The following TIMM23B variants were observed in gnomAD, a reference collection of about 807,000 sequenced individuals.
TIMM23B encodes the protein translocase of inner mitochondrial membrane 23 homolog B.
A neutral mutation model predicts 27.3 loss-of-function variants in TIMM23B; 27 were observed. The ratio of observed to expected loss-of-function variants is 0.99; its 90% CI spans 0.73 to 1.36. TIMM23B has a LOEUF of 1.36. TIMM23B is among the 40% of genes most tolerant of loss of function. The pLI is 0.00. For synonymous variants in TIMM23B, 73 were observed against 92.4 expected (o/e 0.79, Z 1.21); for missense variants, 205 against 244.2 (o/e 0.84, Z 1.07).
chr10:49,944,213 A>G (rs1363545605), intron 1 of TIMM23B, among the ~76,000 whole-genome samples: 1 of 152,190 alleles, frequency 6.6e-6, no homozygotes, highest in Admixed American at 6.5e-5. Flanking sequence ...GTAGACAGTG[A>G]ATTGAAGGGG....
At chr10:49,945,604 C>G (rs1839330491) in intron 2 of TIMM23B, among the ~76,000 whole-genome samples, 3 of 152,136 alleles carry the variant, frequency 2.0e-5, no homozygotes, top group South Asian at 2.1e-4. Context: ...TCCCAAAGTG[C>G]TGGGATTACA....
chr10:49,943,044 C>A (rs1301349443), intron 1 of TIMM23B, among the ~76,000 whole-genome samples: 45 of 152,234 alleles, frequency 3.0e-4, no homozygotes, highest in Non-Finnish European at 2.2e-4. Context: ...AAAGTACTTT[C>A]TTTTTAGAGA....
chr10:49,963,623 C>T (rs879967911), intron 6 of TIMM23B, among the ~76,000 whole-genome samples: 2 of 152,094 alleles, frequency 1.3e-5, no homozygotes, highest in Non-Finnish European at 2.9e-5. Flanking sequence ...GAGTGAGACT[C>T]CGTCTTGAAA....
intron 6 of TIMM23B, among the ~76,000 whole-genome samples, chr10:49,967,458 G>C (rs1303318814): frequency 6.6e-6 from 1 of 151,662 alleles, no homozygotes; most frequent in Admixed American, 6.6e-5. Flanking sequence ...AAATTAATAA[G>C]ACATTGATTT....
intron 1 of TIMM23B, 75 bp from the exon 2 acceptor site, chr10:49,944,957 T>G (rs1207127785): frequency 6.4e-7 from 1 of 1,570,104 alleles, no homozygotes; most frequent in Non-Finnish European, 8.7e-7. Context: ...CATGTAACAA[T>G]CAGGAGCTGG....
At chr10:49,946,122 A>G (rs1839349548) in intron 2 of TIMM23B, among the ~76,000 whole-genome samples, 1 of 151,340 alleles carries the variant, frequency 6.6e-6, no homozygotes, top group Non-Finnish European at 1.5e-5. Context: ...CCCTGGATAC[A>G]AAGGTTGCAG....
At chr10:49,966,106 GAAATA>G (rs1840142648) in intron 6 of TIMM23B, among the ~76,000 whole-genome samples, 1 of 135,296 alleles carries the variant, frequency 7.4e-6, no homozygotes, top group Non-Finnish European at 1.5e-5. Context: ...ATGATGAAAT[GAAATA>G]ATGAAATGAA....
chr10:49,955,831 C>T (rs1165234432), intron 5 of TIMM23B, among the ~76,000 whole-genome samples: 1 of 152,182 alleles, frequency 6.6e-6, no homozygotes, highest in East Asian at 1.9e-4. Context: ...TACATCTTCA[C>T]ACTGTAAAGC....
chr10:49,957,016 C>G (rs1333647772), intron 5 of TIMM23B, among the ~76,000 whole-genome samples: 4 of 148,384 alleles, frequency 2.7e-5, no homozygotes, highest in African/African-American at 9.7e-5. Flanking sequence ...CCTCCTGTTT[C>G]ACTTCTGCCT....
At chr10:49,949,499 G>A (rs1158936587) in intron 2 of TIMM23B, among the ~76,000 whole-genome samples, 2 of 152,034 alleles carry the variant, frequency 1.3e-5, no homozygotes, top group Non-Finnish European at 2.9e-5. Context: ...TCTACACTTA[G>A]AGGTTGTACT....
intron 2 of TIMM23B, among the ~76,000 whole-genome samples, chr10:49,949,802 A>G (rs1378960453): frequency 2.0e-5 from 3 of 150,922 alleles, no homozygotes; most frequent in African/African-American, 7.3e-5. Context: ...CTTAAAGAAA[A>G]TAGTACCTGT....
At chr10:49,960,192 C>T (rs1424622286) in intron 6 of TIMM23B, among the ~76,000 whole-genome samples, 6 of 150,192 alleles carry the variant, frequency 4.0e-5, no homozygotes, top group African/African-American at 7.3e-5. Flanking sequence ...TACAGGCACA[C>T]GCCTCCACAC....
chr10:49,943,971 A>G (rs1839272839), intron 1 of TIMM23B, among the ~76,000 whole-genome samples: 1 of 152,168 alleles, frequency 6.6e-6, no homozygotes, highest in African/African-American at 2.4e-5. Context: ...TACAGTACAA[A>G]TGCTTGGGAG....
intron 1 of TIMM23B, chr10:49,943,247 G>C (rs1839219038): frequency 6.6e-6 from 1 of 151,672 alleles, no homozygotes; most frequent in African/African-American, 2.4e-5. Context: ...TCAGGACCTC[G>C]TTCTGTCACC....
rs1215387633 is a variant in TIMM23B, at chr10:49,955,032, A to G, written c.375A>G (p.Ala125=). The part of the protein sequence containing the change: ...QILNMVTRQG[A]LWANTLGSLA... ...TGAATATGGTGACTAGGCAAGGGGC[A>G]CTTTGGGCTAATACTCTAGGTTCTC... Residue 125 remains alanine, a synonymous_variant, in exon 5 of 7, where the codon GCA becomes GCG. Coordinates refer to ENST00000651259, the MANE Select transcript of TIMM23B (RefSeq NM_001290117.2). 4 of 1,612,886 alleles carry G rather than the reference A, an allele frequency of 2.5e-6. No individual in the cohort carries two copies. The East Asian group carries it at 6.7e-5, about 27-fold the overall frequency.
chr10:49,967,390 T>C (rs1467330706), intron 6 of TIMM23B, among the ~76,000 whole-genome samples: 8 of 152,196 alleles, frequency 5.3e-5, no homozygotes, highest in Non-Finnish European at 8.8e-5. Context: ...ATATTTGTAT[T>C]CCCACCACAC....
intron 6 of TIMM23B, among the ~76,000 whole-genome samples, chr10:49,968,623 A>G (rs1244758716): frequency 2.6e-5 from 4 of 152,202 alleles, no homozygotes; most frequent in Admixed American, 2.6e-4. Flanking sequence ...TCACAAGGTC[A>G]GGAGATTGAG....
intron 2 of TIMM23B, among the ~76,000 whole-genome samples, chr10:49,948,674 A>G (rs1455371955): frequency 6.6e-6 from 1 of 152,250 alleles, no homozygotes; most frequent in African/African-American, 2.4e-5. Context: ...ATATATGGAC[A>G]AGAAAGTAGA....
At chr10:49,942,449 T>A (rs1839152184) in intron 1 of TIMM23B, 149 bp downstream of exon 1, 2 of 1,405,638 alleles carry the variant, frequency 1.4e-6, no homozygotes. Context: ...TGTATCTGCA[T>A]GGCTGCTCTT....
Sources: allele counts gnomAD v4.1 joint callset (sites outside exome capture counted in the v4.1 genomes callset), GRCh38; gene constraint gnomAD v4.1.1; transcripts MANE v1.5; gene names NCBI Gene and HGNC (gene_info 2026-07-23, HGNC 2026-07-21).